The following NUP93 variants were observed in gnomAD, a reference collection of about 807,000 sequenced individuals.
NUP93 encodes the protein nuclear pore complex protein Nup93.
A neutral mutation model predicts 107.8 loss-of-function variants in NUP93; 55 were observed. The ratio of observed to expected loss-of-function variants is 0.51; its 90% confidence interval spans 0.41 to 0.64. NUP93 has a LOEUF of 0.64. Among genes scored for constraint, NUP93 ranks in the 30% least tolerant of loss-of-function variants. The probability of loss-of-function intolerance (pLI) is 0.00; values close to 1 mark genes in which losing one functional copy is unlikely to be tolerated. For synonymous variants in NUP93, 390 were observed against 397.5 expected (o/e 0.98, Z 0.22); for missense variants, 937 against 1,044.7 (o/e 0.90, Z 1.42).
chr16:56,822,514 CAAAAAA>C (rs751717930), intron 7 of NUP93, among the ~76,000 whole-genome samples: 9 of 92,056 alleles, frequency 9.8e-5, no homozygotes, highest in Non-Finnish European at 2.0e-4. Flanking sequence ...GGCCCTGTCT[CAAAAAA>C]AAAAAAAAAA....
At position 56,788,977 on chromosome 16, in the gene NUP93, C is replaced by T. The variant is rs116362929; in HGVS notation, c.298-9499C>T. Reference sequence around the variant, plus strand: ...TTAATTTATTTTATTTTTTTTTACCCGATGCTGAAATCTTTGAAGTTGGGT... The same window carrying T: ...TTAATTTATTTTATTTTTTTTTACCTGATGCTGAAATCTTTGAAGTTGGGT... On this transcript the variant is annotated intron_variant, in intron 3 of 21. Transcript: ENST00000308159. Among the ~76,000 whole-genome samples, 651 of 152,118 alleles carry T rather than the reference C, an allele frequency of 4.3e-3. 6 individuals carry two copies. Among genetic ancestry groups the T allele is most frequent in the African/African-American group, 0.015 (602 of 41,492 alleles).
chr16:56,775,440 G>A (rs1033728186), intron 3 of NUP93, among the ~76,000 whole-genome samples: 4 of 152,158 alleles, frequency 2.6e-5, no homozygotes, highest in African/African-American at 9.7e-5. Flanking sequence ...ATATAATATA[G>A]TACCCATTCT....
At chr16:56,749,444 T>C (rs1961879636) in intron 2 of NUP93, among the ~76,000 whole-genome samples, 1 of 152,118 alleles carries the variant, frequency 6.6e-6, no homozygotes, top group Non-Finnish European at 1.5e-5. Flanking sequence ...ACTCCTCTGA[T>C]TGTGATGGAA....
At chr16:56,815,899 G>GTGGTGCTGCTGCTGCTGCTGGTGC (rs1963417880) in intron 5 of NUP93, among the ~76,000 whole-genome samples, 1 of 95,984 alleles carries the variant, frequency 1.0e-5, no homozygotes, top group African/African-American at 4.0e-5. Context: ...GCTGCTGCTG[G>GTGGTGCTGCTGCTGCTGCTGGTGC]TGCTGCTGCT....
chr16:56,756,386 A>T (rs566179744), intron 2 of NUP93, among the ~76,000 whole-genome samples: 2 of 141,860 alleles, frequency 1.4e-5, no homozygotes, highest in African/African-American at 5.3e-5. Context: ...GAGTGAGAAC[A>T]TGCAGTGTTT....
At chr16:56,811,170 T>TAGC (rs1385662518) in intron 5 of NUP93, among the ~76,000 whole-genome samples, 1 of 152,220 alleles carries the variant, frequency 6.6e-6, no homozygotes, top group Non-Finnish European at 1.5e-5. Context: ...TGTTCAGCAT[T>TAGC]AGCAGATACT....
At chr16:56,760,008 G>A (rs1338542301) in intron 3 of NUP93, among the ~76,000 whole-genome samples, 3 of 152,046 alleles carry the variant, frequency 2.0e-5, no homozygotes, top group East Asian at 1.9e-4. Context: ...TTACCTTAAG[G>A]TATTGACAGG....
intron 3 of NUP93, among the ~76,000 whole-genome samples, chr16:56,774,444 G>A (rs1962376059): frequency 6.7e-6 from 1 of 148,580 alleles, no homozygotes; most frequent in Non-Finnish European, 1.5e-5. Context: ...CATTAAATGT[G>A]TGCTAGAGAT....
At position 56,846,976 on chromosome 16, in the gene NUP93, T is replaced by C. The variant is rs1408752725; in HGVS notation, c.*2367T>C. 2.2e-5 allele frequency: 2 copies of C among 90,328 alleles called. No individual in the cohort carries two copies. Among genetic ancestry groups the C allele is most frequent in the African/African-American group, 7.1e-5 (2 of 28,024 alleles). 5.6% of individuals were successfully genotyped at this position (90,328 alleles called of 1,614,324 possible). ...CCCTGCATCCAGGGGATGAGGTTCT[T>C]TGACCTGTAGATGGGTCCTAAAATG... On this transcript the variant is annotated 3_prime_UTR_variant, in exon 22 of 22. Transcript: ENST00000308159.
At chr16:56,802,849 G>A (rs184398184) in intron 4 of NUP93, among the ~76,000 whole-genome samples, 3 of 152,192 alleles carry the variant, frequency 2.0e-5, no homozygotes, top group Admixed American at 2.0e-4. Context: ...GGCTTAAGCT[G>A]ATGGGAAACC....
intron 8 of NUP93, among the ~76,000 whole-genome samples, chr16:56,826,311 A>G (rs138605905): frequency 0.035 from 5,392 of 152,302 alleles, 127 homozygotes; most frequent in East Asian, 0.076. Context: ...CAGGAGTTCA[A>G]GACCAGCCTG....
At chr16:56,754,218 A>G (rs1183644493) in intron 2 of NUP93, among the ~76,000 whole-genome samples, 3 of 152,098 alleles carry the variant, frequency 2.0e-5, no homozygotes, top group African/African-American at 4.8e-5. Flanking sequence ...TCTTGCCCCT[A>G]TGGTCCAGTC....
chr16:56,739,369 GGACGGGGCGGCT>G (rs1961668282), intron 1 of NUP93, among the ~76,000 whole-genome samples: 1 of 11,768 alleles, frequency 8.5e-5, no homozygotes, highest in Admixed American at 7.8e-4. Flanking sequence ...CCTCCCTCCC[GGACGGGGCGGCT>G]GGCCGGGCGG....
At chr16:56,819,046 A>T (rs1367198492) in intron 6 of NUP93, among the ~76,000 whole-genome samples, 2 of 152,230 alleles carry the variant, frequency 1.3e-5, no homozygotes, top group African/African-American at 4.8e-5. Flanking sequence ...TAGCAAATGG[A>T]GTTCCATATT....
At chr16:56,733,724 G>A (rs1228595485) in intron 1 of NUP93, among the ~76,000 whole-genome samples, 1 of 152,168 alleles carries the variant, frequency 6.6e-6, no homozygotes, top group Non-Finnish European at 1.5e-5. Context: ...AATCCCCTTT[G>A]TTTTGATAGA....
intron 1 of NUP93, among the ~76,000 whole-genome samples, chr16:56,739,974 G>A (rs201686346): frequency 8.9e-6 from 1 of 112,518 alleles, no homozygotes; most frequent in African/African-American, 3.6e-5. Context: ...CCTCCCGGAC[G>A]GGGCGGCTGG....
chr16:56,798,158 C>T (rs1275980075), intron 3 of NUP93, among the ~76,000 whole-genome samples: 2 of 152,206 alleles, frequency 1.3e-5, no homozygotes, highest in Non-Finnish European at 2.9e-5. Flanking sequence ...ATCACCAAGG[C>T]TGTATCTGCA....
Position 56,831,974 on chromosome 16 carries a change from G to A in NUP93, c.1218G>A (p.Val406=), listed in dbSNP as rs1467858647. 2 of 1,614,068 alleles carry A rather than the reference G, an allele frequency of 1.2e-6. No individual in the cohort carries two copies. The highest frequency in any genetic ancestry group is 1.1e-5 in the South Asian group (1 of 91,064). Residue 406 remains valine (V), a synonymous_variant, in exon 11 of 22, where the codon GTG becomes GTA. Coordinates refer to ENST00000308159, the MANE Select transcript of NUP93 (RefSeq NM_014669.5). Reference sequence around the variant, plus strand: ...ACGTCACCGACAACCAGAGTGAAGTGGCGGACAAAACTGAGGATTACCTGT... The same window carrying A: ...ACGTCACCGACAACCAGAGTGAAGTAGCGGACAAAACTGAGGATTACCTGT... The part of the protein sequence containing the change: ...RCDVTDNQSE[V]ADKTEDYLWL...
At chr16:56,760,734 C>G (rs1189486164) in intron 3 of NUP93, among the ~76,000 whole-genome samples, 1 of 152,114 alleles carries the variant, frequency 6.6e-6, no homozygotes, top group Non-Finnish European at 1.5e-5. Flanking sequence ...GATTACAGTT[C>G]AACATGAGAT....
Sources: allele counts gnomAD v4.1 joint callset (sites outside exome capture counted in the v4.1 genomes callset), GRCh38; gene constraint gnomAD v4.1.1; transcripts MANE v1.5; gene names NCBI Gene and HGNC (gene_info 2026-07-23, HGNC 2026-07-21).